The following TIGAR variants were observed in gnomAD, a reference collection of about 807,000 sequenced individuals.
The protein encoded by TIGAR is TP53 induced glycolysis regulatory phosphatase, also known as fructose-2,6-bisphosphatase TIGAR.
A neutral mutation model predicts 17.9 loss-of-function variants in TIGAR; 7 were observed. That is an observed-to-expected ratio of 0.39 (90% CI 0.22 to 0.73). The LOEUF (loss-of-function observed/expected upper bound fraction) is 0.73, where lower values mean the gene tolerates loss of function less well. TIGAR is among the 30% of genes least tolerant of loss of function. TIGAR has a pLI of 0.42. For missense variants in TIGAR, 258 were observed against 327.4 expected (o/e 0.79, Z 1.64); for synonymous variants, 94 against 108.6 (o/e 0.87, Z 0.84).
At chr12:4,341,519 C>T (rs772537433) in intron 3 of TIGAR, among the ~76,000 whole-genome samples, 33 of 152,160 alleles carry the variant, frequency 2.2e-4, no homozygotes, top group African/African-American at 2.7e-4. Context: ...CTCACACGGC[C>T]GGGTACCCCT....
intron 3 of TIGAR, among the ~76,000 whole-genome samples, chr12:4,341,482 C>T: frequency 6.6e-6 from 1 of 152,182 alleles, no homozygotes; most frequent in East Asian, 1.9e-4. Context: ...AACTGGGAGG[C>T]ACCCCCCAGT....
At position 4,338,975 on chromosome 12, in the gene TIGAR, CACAA is replaced by C. The variant is rs1234981665; in HGVS notation, c.192+1817_192+1820del. Reference sequence around the variant, plus strand: ...TGGGCAACAAAGCAAAACTTTGTCTCACAAAAAAAAAAAAAAAAAAAAAGACAGA... The same window carrying C: ...TGGGCAACAAAGCAAAACTTTGTCTCAAAAAAAAAAAAAAAAAAAGACAGA... On this transcript the variant is annotated intron_variant, in intron 3 of 5. Transcript: ENST00000179259. Among the ~76,000 whole-genome samples, 193 of 38,184 alleles carry C rather than the reference CACAA, an allele frequency of 5.1e-3. 18 individuals are homozygous for C. In the East Asian group the frequency reaches 0.15, roughly 29 times the overall value. 25.1% of individuals were successfully genotyped at this position (38,184 alleles called of 152,430 possible).
rs1298826549 is a variant in TIGAR, at chr12:4,359,940, T to TA, written c.*7250dup. Among the ~76,000 whole-genome samples, 1 of 152,236 alleles carries TA rather than the reference T, an allele frequency of 6.6e-6. No homozygotes were observed. ...ATATCCCTGCAATTTTAACTGGTGA[T>TA]ATGGAATGCTTTTTAATGTACAATT... On this transcript the variant is annotated 3_prime_UTR_variant, in exon 6 of 6. Coordinates refer to ENST00000179259, the MANE Select transcript of TIGAR (RefSeq NM_020375.3).
At chr12:4,335,688 G>T (rs1285490176) in intron 2 of TIGAR, 2 of 152,264 alleles carry the variant, frequency 1.3e-5, no homozygotes, top group Non-Finnish European at 2.9e-5. Context: ...AAGTCACCCA[G>T]TCTGTAGTAC....
intron 3 of TIGAR, 44 bp downstream of exon 3, chr12:4,337,204 A>G (rs757984156): frequency 2.5e-5 from 38 of 1,497,000 alleles, no homozygotes; most frequent in Middle Eastern, 1.8e-4. Flanking sequence ...GCGTCACTCT[A>G]TGCCCAGGCT....
intron 1 of TIGAR, among the ~76,000 whole-genome samples, chr12:4,327,109 A>G (rs867340758): frequency 6.6e-6 from 1 of 152,176 alleles, no homozygotes; most frequent in Non-Finnish European, 1.5e-5. Context: ...ATTTATAGAC[A>G]GAGAAAGGAA....
chr12:4,352,821 C>G lies in TIGAR; in HGVS notation c.*130C>G. On this transcript the variant is annotated 3_prime_UTR_variant, in exon 6 of 6. Transcript: ENST00000179259. ...AGCCAATTTTTAGCTCCAGTGGAAC[C>G]ATAGCCACATAAAACTTTAATGGAC... 1 of 776,316 alleles carries G rather than the reference C, an allele frequency of 1.3e-6. No individual in the cohort carries two copies. Among genetic ancestry groups the G allele is most frequent in the Non-Finnish European group, 2.0e-6 (1 of 498,564 alleles). 48.1% of individuals were successfully genotyped at this position (776,316 alleles called of 1,614,324 possible).
chr12:4,333,283 A>G (rs900766441), intron 2 of TIGAR, among the ~76,000 whole-genome samples: 17 of 144,954 alleles, frequency 1.2e-4, no homozygotes, highest in Non-Finnish European at 6.0e-5. Context: ...TTGAAAATAT[A>G]TATAAGTTGT....
chr12:4,331,453 T>A, intron 2 of TIGAR, 136 bp downstream of exon 2: 1 of 808,098 alleles, frequency 1.2e-6, no homozygotes, highest in South Asian at 1.5e-5. Flanking sequence ...CAAAGCATCA[T>A]AACCACAGAA....
Position 4,323,547 on chromosome 12 carries a change from C to A in TIGAR, c.32+2244C>A, listed in dbSNP as rs539855248. Among the ~76,000 whole-genome samples, 9 of 152,286 alleles carry A rather than the reference C, an allele frequency of 5.9e-5. 1 individual carries two copies. The South Asian group carries it at 1.7e-3, about 28-fold the overall frequency. ...TAAGGACTGATATCCTCATTTTTCA[C>A]ATGAGGCAGCTGAGACAGAGACGCC... is the stretch of plus-strand genomic sequence containing the variant. On this transcript the variant is annotated intron_variant, in intron 1 of 5. Coordinates refer to ENST00000179259, the MANE Select transcript of TIGAR (RefSeq NM_020375.3).
Position 4,352,672 on chromosome 12 carries a change from G to T in TIGAR, c.794G>T (p.Gly265Val), listed in dbSNP as rs1864850515. ...ICMNLQDHLN[G>V]LTETR is the part of the protein sequence containing the mutation. Reference sequence around the variant, plus strand: ...ATGAACCTACAGGATCATCTAAATGGACTGACTGAAACTCGCTAAGGTTAA... The same window carrying T: ...ATGAACCTACAGGATCATCTAAATGTACTGACTGAAACTCGCTAAGGTTAA... The change falls in exon 6 of 6, where the codon GGA (glycine) becomes GTA (valine). Residue 265 changes from glycine (G) to valine (V), a missense_variant. Transcript: ENST00000179259. 2.5e-6 allele frequency: 4 copies of T among 1,601,490 alleles called. No individual in the cohort carries two copies. Among genetic ancestry groups the T allele is most frequent in the Middle Eastern group, 1.7e-4 (1 of 6,058 alleles).
chr12:4,340,773 A>T (rs1361569523), intron 3 of TIGAR, among the ~76,000 whole-genome samples: 1 of 152,252 alleles, frequency 6.6e-6, no homozygotes, highest in Non-Finnish European at 1.5e-5. Context: ...TTTGACAAAG[A>T]TGCCAAGAAG....
At chr12:4,322,920 A>G (rs1023069409) in intron 1 of TIGAR, among the ~76,000 whole-genome samples, 1 of 152,002 alleles carries the variant, frequency 6.6e-6, no homozygotes, top group African/African-American at 2.4e-5. Context: ...CTTTCTTCCA[A>G]TGTTAGTGCA....
chr12:4,350,084 C>T (rs147759055), intron 4 of TIGAR, among the ~76,000 whole-genome samples, 188 bp downstream of exon 4: 11 of 152,132 alleles, frequency 7.2e-5, no homozygotes, highest in East Asian at 3.9e-4. Context: ...TAAAATCAAA[C>T]GAGACAAGCA....
intron 3 of TIGAR, among the ~76,000 whole-genome samples, chr12:4,346,766 A>T (rs1864786012): frequency 6.6e-6 from 1 of 151,650 alleles, no homozygotes; most frequent in Non-Finnish European, 1.5e-5. Context: ...AAAAATATAT[A>T]TTAAAAAAAA....
At chr12:4,339,526 A>T (rs1265468838) in intron 3 of TIGAR, among the ~76,000 whole-genome samples, 4 of 152,210 alleles carry the variant, frequency 2.6e-5, no homozygotes, top group Non-Finnish European at 5.9e-5. Flanking sequence ...AGGAGGAGGG[A>T]ATACTTCCAA....
chr12:4,337,196 G>A lies in TIGAR; in HGVS notation c.192+36G>A, dbSNP rs111281932. ...TTATTTATTTATTTTGAGACAGAGC[G>A]TCACTCTATGCCCAGGCTGGAGTGC... On this transcript the variant is annotated intron_variant, in intron 3 of 5. Transcript: ENST00000179259. The A allele has an allele frequency of 6.5e-4, 989 of 1,525,912 alleles. 4 individuals are homozygous for A. The African/African-American group carries it at 9.5e-3, about 15-fold the overall frequency. The allele number at this position is 1,525,912 out of a possible 1,614,324, so 94.5% of individuals were successfully genotyped here.
chr12:4,330,738 C>T (rs528895899), intron 1 of TIGAR, among the ~76,000 whole-genome samples: 4 of 152,268 alleles, frequency 2.6e-5, no homozygotes, highest in Admixed American at 2.6e-4. Context: ...AACCTCAGTT[C>T]AGTGTGCAGT....
intron 2 of TIGAR, among the ~76,000 whole-genome samples, chr12:4,335,949 CTACT>C (rs924783925): frequency 5.9e-5 from 9 of 152,290 alleles, no homozygotes; most frequent in African/African-American, 2.2e-4. Flanking sequence ...AGAAAATTGT[CTACT>C]TATTTTTGAT....
Sources: gnomAD v4.1 joint callset for allele counts (sites outside exome capture counted in the v4.1 genomes callset) on GRCh38, gnomAD v4.1.1 for gene constraint, MANE v1.5 for transcripts, NCBI Gene and HGNC (gene_info 2026-07-23, HGNC 2026-07-21) for gene names.